The following PCDHGB1 variants were observed in gnomAD, a reference collection of about 807,000 sequenced individuals.
The protein encoded by PCDHGB1 is protocadherin gamma-B1.
In PCDHGB1, 34 loss-of-function variants were observed where a neutral mutation model predicts 56.6. The observed-to-expected ratio is 0.60, with a 90% CI of 0.46 to 0.80. The LOEUF (loss-of-function observed/expected upper bound fraction) is 0.80, where lower values mean the gene tolerates loss of function less well. Among genes scored for constraint, PCDHGB1 ranks in the 30% least tolerant of loss-of-function variants. The probability of loss-of-function intolerance (pLI) is 0.00; values close to 1 mark genes in which losing one functional copy is unlikely to be tolerated. For missense variants in PCDHGB1, 1,278 were observed against 1,204.6 expected (o/e 1.06, Z -0.90); for synonymous variants, 561 against 505.9 (o/e 1.11, Z -1.46).
At chr5:141,366,481 G>A (rs1055854699) in intron 1 of PCDHGB1, 23 of 1,614,260 alleles carry the variant, frequency 1.4e-5, no homozygotes, top group Non-Finnish European at 1.9e-5. Flanking sequence ...TCAGACTGAG[G>A]CGCTGGCACA....
chr5:141,362,593 A>T, intron 1 of PCDHGB1: 1 of 1,589,406 alleles, frequency 6.3e-7, no homozygotes, highest in South Asian at 1.1e-5. Flanking sequence ...TTCTGGTTTT[A>T]TTGTTTCACC....
intron 1 of PCDHGB1, chr5:141,382,987 C>G: frequency 6.2e-7 from 1 of 1,613,278 alleles, no homozygotes; most frequent in Non-Finnish European, 8.5e-7. Context: ...CTGGGCAGGA[C>G]GTATTCTCTA....
chr5:141,380,966 T>C (rs890558911), intron 1 of PCDHGB1, among the ~76,000 whole-genome samples: 1 of 152,240 alleles, frequency 6.6e-6, no homozygotes, highest in East Asian at 1.9e-4. Flanking sequence ...AAAAGTACTA[T>C]TAAACAAATA....
chr5:141,383,692 C>T (rs1779370134), intron 1 of PCDHGB1: 4 of 1,613,888 alleles, frequency 2.5e-6, no homozygotes, highest in Non-Finnish European at 2.5e-6. Flanking sequence ...GCTCACGGTA[C>T]ATGCTATCGA....
Position 141,477,858 on chromosome 5 carries a change from C to T in PCDHGB1, c.2410-16949C>T. 2 of 1,613,572 alleles carry T rather than the reference C, an allele frequency of 1.2e-6. No individual in the cohort carries two copies. Among genetic ancestry groups the T allele is most frequent in the Non-Finnish European group, 1.7e-6 (2 of 1,179,842 alleles). ...GGTGGGAGCTCGGTGGAGATGCTGC[C>T]TCGAGGTACCTCAGCTGGCCACCTA... On this transcript the variant is annotated intron_variant, in intron 1 of 3. Transcript: ENST00000523390. This position sits in a 1 kb window ranked among gnomAD's most constrained non-coding sequence, Gnocchi z 4.9.
chr5:141,409,809 A>T (rs754765049), intron 1 of PCDHGB1: 62 of 1,611,424 alleles, frequency 3.8e-5, no homozygotes, highest in Non-Finnish European at 7.6e-6. Context: ...CAGGCCCGCG[A>T]CCACGGCTCG....
At chr5:141,385,831 G>A (rs1317215192) in intron 1 of PCDHGB1, 1 of 154,298 alleles carries the variant, frequency 6.5e-6, no homozygotes, top group Non-Finnish European at 1.4e-5. Flanking sequence ...CCTATTTACA[G>A]TATAATCATT....
intron 1 of PCDHGB1, chr5:141,417,692 C>A: frequency 9.2e-7 from 1 of 1,089,116 alleles, no homozygotes; most frequent in Non-Finnish European, 1.3e-6. Context: ...AAAAGAAAAC[C>A]AGCTCCCACA....
intron 1 of PCDHGB1, among the ~76,000 whole-genome samples, chr5:141,464,444 T>C (rs2099084887): frequency 6.6e-6 from 1 of 151,634 alleles, no homozygotes; most frequent in East Asian, 1.9e-4. Context: ...TGTTTGTTGT[T>C]GTTGTTGTTA....
At chr5:141,419,279 G>C in intron 1 of PCDHGB1, 1 of 1,614,042 alleles carries the variant, frequency 6.2e-7, no homozygotes, top group South Asian at 1.1e-5. Flanking sequence ...CATAGCGCAA[G>C]TCAGTGCCTC....
At chr5:141,385,479 T>A in intron 1 of PCDHGB1, 6 of 1,429,214 alleles carry the variant, frequency 4.2e-6, no homozygotes, top group Non-Finnish European at 5.5e-6. Flanking sequence ...CACTTTAATA[T>A]AGAACACATA....
chr5:141,351,953 C>A lies in PCDHGB1; in HGVS notation c.1693C>A (p.Pro565Thr), dbSNP rs756372194. The A allele has an allele frequency of 6.8e-6, 11 of 1,612,880 alleles. No homozygotes were observed. The highest frequency in any genetic ancestry group is 1.7e-4 in the Middle Eastern group (1 of 5,978). Residue 565 changes from proline (P) to threonine (T), a missense_variant, in exon 1 of 4, where the codon CCT (proline) becomes ACT (threonine). Transcript: ENST00000523390. ...ACGGGTGCTGTACCCCGCGCTGGGGCCTGATGGCTCCGCCCTCTTCGATAT... is the reference window on the plus strand; with the variant it reads ...ACGGGTGCTGTACCCCGCGCTGGGGACTGATGGCTCCGCCCTCTTCGATAT... ...APRVLYPALG[P>T]DGSALFDMVP...
At chr5:141,427,879 C>T in intron 1 of PCDHGB1, 1 of 1,562,380 alleles carries the variant, frequency 6.4e-7, no homozygotes. Context: ...ACGATGCAGG[C>T]CCACGACCAG....
At position 141,371,344 on chromosome 5, in the gene PCDHGB1, T is replaced by C. The variant is rs752180321; in HGVS notation, c.2409+18675T>C. The C allele has an allele frequency of 9.1e-5, 147 of 1,613,880 alleles. 4 individuals are homozygous for C. In the South Asian group the frequency reaches 1.4e-3, roughly 16 times the overall value. ...TTTGAAGAGAGAGATAGCTACACAATTGGGGTGGAAGCAAAGGATGGTGGA... is the reference window on the plus strand; with the variant it reads ...TTTGAAGAGAGAGATAGCTACACAACTGGGGTGGAAGCAAAGGATGGTGGA... On this transcript the variant is annotated intron_variant, in intron 1 of 3. Coordinates refer to ENST00000523390, the MANE Select transcript of PCDHGB1 (RefSeq NM_018922.3).
chr5:141,438,700 AC>A (rs2098052453), intron 1 of PCDHGB1, among the ~76,000 whole-genome samples: 1 of 144,406 alleles, frequency 6.9e-6, no homozygotes, highest in Non-Finnish European at 1.5e-5. Context: ...TTGCTCTGTC[AC>A]CCAGGCTGGA....
intron 1 of PCDHGB1, chr5:141,410,254 C>T: frequency 3.1e-6 from 5 of 1,614,020 alleles, no homozygotes; most frequent in Non-Finnish European, 3.4e-6. Flanking sequence ...TCTCTGACCC[C>T]CAGGCTGAAC....
Position 141,366,562 on chromosome 5 carries a change from T to A in PCDHGB1, c.2409+13893T>A, listed in dbSNP as rs767375100. 15 of 1,614,112 alleles carry A rather than the reference T, an allele frequency of 9.3e-6. No homozygotes were observed. The East Asian group carries it at 2.0e-4, about 22-fold the overall frequency. On this transcript the variant is annotated intron_variant, in intron 1 of 3. Transcript: ENST00000523390. Reference sequence around the variant, plus strand: ...CCGCCTCGCACTTTGTGGGCGTGGATGGGGTTCGGGCTTTCCTGCAGACCT... The same window carrying A: ...CCGCCTCGCACTTTGTGGGCGTGGAAGGGGTTCGGGCTTTCCTGCAGACCT...
At chr5:141,466,325 C>T (rs1252026939) in intron 1 of PCDHGB1, among the ~76,000 whole-genome samples, 3 of 152,108 alleles carry the variant, frequency 2.0e-5, no homozygotes, top group African/African-American at 7.2e-5. Context: ...CACATGCTAC[C>T]ATGCCTGGAT....
chr5:141,375,073 A>T, intron 1 of PCDHGB1: 1 of 1,614,030 alleles, frequency 6.2e-7, no homozygotes, highest in Non-Finnish European at 8.5e-7. Flanking sequence ...TTCGAGACAG[A>T]GCGAAAGTCT....
Sources: gnomAD v4.1 joint callset for allele counts (sites outside exome capture counted in the v4.1 genomes callset) on GRCh38, gnomAD v4.1.1 for gene constraint, Gnocchi (gnomAD v3.1) non-coding constraint, MANE v1.5 for transcripts, NCBI Gene and HGNC (gene_info 2026-07-23, HGNC 2026-07-21) for gene names.